PCDHGA9: variants seen among roughly 807,000 people sequenced by gnomAD.
PCDHGA9 encodes the protein protocadherin gamma-A9.
PCDHGA9 carries 37 observed loss-of-function variants against 62.5 expected under a neutral mutation model. The ratio of observed to expected loss-of-function variants is 0.59; its 90% CI spans 0.46 to 0.78. The LOEUF (loss-of-function observed/expected upper bound fraction) is 0.78. Ranked by LOEUF, PCDHGA9 falls within the 30% of genes least tolerant of loss-of-function variation. The probability of loss-of-function intolerance (pLI) is 0.00; values close to 1 mark genes in which losing one functional copy is unlikely to be tolerated. For missense variants in PCDHGA9, 1,138 were observed against 1,166.2 expected, an observed-to-expected ratio of 0.98 and a Z score of 0.35; for synonymous variants, 459 against 484.6, an observed-to-expected ratio of 0.95 and a Z score of 0.69.
At position 141,498,971 on chromosome 5, in the gene PCDHGA9, G is replaced by GGGAAGGAAGGAA. The variant is rs201769957; in HGVS notation, c.2483+4152_2483+4163dup. On this transcript the variant is annotated intron_variant, in intron 2 of 3. Coordinates refer to ENST00000573521, the MANE Select transcript of PCDHGA9 (RefSeq NM_018921.3). ...AAAAAGAGAGAGAGGGAGGGAGGGA[G>GGGAAGGAAGGAA]GGAAGGAAGGAAGGAAGGAAGGAAG... 6.8e-3 allele frequency among the ~76,000 whole-genome samples: 758 copies of GGGAAGGAAGGAA among 111,036 alleles called. 12 individuals are homozygous for GGGAAGGAAGGAA. Among genetic ancestry groups the GGGAAGGAAGGAA allele is most frequent in the African/African-American group, 0.021 (585 of 27,816 alleles). 72.8% of individuals were successfully genotyped at this position (111,036 alleles called of 152,430 possible). A position where few individuals can be genotyped will look rare whatever the true frequency, so the allele number is the denominator to read the frequency against.
At chr5:141,474,106 A>G (rs1334111464) in intron 1 of PCDHGA9, among the ~76,000 whole-genome samples, 1 of 152,108 alleles carries the variant, frequency 6.6e-6, no homozygotes, top group African/African-American at 2.4e-5. Flanking sequence ...CAACAAAAAC[A>G]ACAACAACGA....
rs1485715812 is a variant in PCDHGA9, at chr5:141,485,804, G to T, written c.2425-9003G>T. The T allele has an allele frequency of 6.2e-7, 1 of 1,614,218 alleles. No individual in the cohort carries two copies. The highest frequency in any genetic ancestry group is 1.7e-5 in the Admixed American group (1 of 60,026). ...AGAGAAGCAATCGGACTACCGCCTG[G>T]TGCTGACTGCTGTCGATGGAGGGAA... On this transcript the variant is annotated intron_variant, in intron 1 of 3. Coordinates refer to ENST00000573521, the MANE Select transcript of PCDHGA9 (RefSeq NM_018921.3). This position sits in a 1 kb window ranked among gnomAD's most constrained non-coding sequence, Gnocchi z 5.7.
chr5:141,458,514 T>G (rs1338106276), intron 1 of PCDHGA9, among the ~76,000 whole-genome samples: 1 of 129,036 alleles, frequency 7.7e-6, no homozygotes, highest in African/African-American at 3.6e-5. Context: ...TGACACTTTG[T>G]TTTTTTTTTT....
intron 1 of PCDHGA9, chr5:141,413,956 G>A (rs2095696052): frequency 2.5e-6 from 4 of 1,613,366 alleles, no homozygotes; most frequent in African/African-American, 2.7e-5. Flanking sequence ...GAATTTGCCT[G>A]TGGGCACTCA....
chr5:141,485,680 C>T lies in PCDHGA9; in HGVS notation c.2425-9127C>T. The T allele has an allele frequency of 6.2e-7, 1 of 1,613,966 alleles. No individual in the cohort carries two copies. Among genetic ancestry groups the T allele is most frequent in the South Asian group, 1.1e-5 (1 of 91,066 alleles). The stretch of plus-strand genomic sequence containing the variant: ...ATGTGGGGAGCAATTCGATTAGCAG[C>T]TATAGGCTGAGCTCCAATGAACACT... On this transcript the variant is annotated intron_variant, in intron 1 of 3. Coordinates refer to ENST00000573521, the MANE Select transcript of PCDHGA9 (RefSeq NM_018921.3). The surrounding 1 kb of genome is among the most constrained non-coding windows in gnomAD (Gnocchi z 5.7).
chr5:141,431,473 C>T lies in PCDHGA9; in HGVS notation c.2424+26097C>T, dbSNP rs750300971. ...TGATGGTTCTGGATGCGAACGACAA[C>T]GCACCAGCGTTTGCTCAGCCCGAGT... On this transcript the variant is annotated intron_variant, in intron 1 of 3. Coordinates refer to ENST00000573521, the MANE Select transcript of PCDHGA9 (RefSeq NM_018921.3). This position sits in a 1 kb window ranked among gnomAD's most constrained non-coding sequence, Gnocchi z 4.8. 4.3e-6 allele frequency: 7 copies of T among 1,613,832 alleles called. No individual in the cohort carries two copies. The Admixed American group carries it at 1.2e-4, about 27-fold the overall frequency.
intron 1 of PCDHGA9, chr5:141,423,466 G>C (rs770939556): frequency 1.2e-6 from 2 of 1,613,904 alleles, no homozygotes; most frequent in Admixed American, 3.3e-5. Context: ...CGTGGACGGG[G>C]TACAGGCTTT....
chr5:141,420,547 G>A (rs898726649), intron 1 of PCDHGA9: 1 of 278,678 alleles, frequency 3.6e-6, no homozygotes, highest in Non-Finnish European at 6.4e-6. Context: ...TAAAATACAG[G>A]TATATTTTTA....
chr5:141,446,289 G>T (rs1333286399), intron 1 of PCDHGA9, among the ~76,000 whole-genome samples: 1 of 152,112 alleles, frequency 6.6e-6, no homozygotes, highest in Non-Finnish European at 1.5e-5. Flanking sequence ...GATAAATGGG[G>T]AGCAGGGATT....
Position 141,490,013 on chromosome 5 carries a change from G to A in PCDHGA9, c.2425-4794G>A. 6.2e-7 allele frequency: 1 copy of A among 1,614,206 alleles called. No individual in the cohort carries two copies. The highest frequency in any genetic ancestry group is 1.1e-5 in the South Asian group (1 of 91,088). Reference sequence around the variant, plus strand: ...GGAATCCCAGAGAATGCACCCATTGGTACTCTGCTGCTCCGCCTCAATGCC... The same window carrying A: ...GGAATCCCAGAGAATGCACCCATTGATACTCTGCTGCTCCGCCTCAATGCC... On this transcript the variant is annotated intron_variant, in intron 1 of 3. Transcript: ENST00000573521. This position sits in a 1 kb window ranked among gnomAD's most constrained non-coding sequence, Gnocchi z 5.4.
Position 141,490,089 on chromosome 5 carries a change from C to G in PCDHGA9, c.2425-4718C>G. On this transcript the variant is annotated intron_variant, in intron 1 of 3. Transcript: ENST00000573521. This position sits in a 1 kb window ranked among gnomAD's most constrained non-coding sequence, Gnocchi z 5.4. ...GCCAACTAGACTATTCTTTTGGAGACCACACATCTGAGGCAGTGCGGAACC... is the reference window on the plus strand; with the variant it reads ...GCCAACTAGACTATTCTTTTGGAGAGCACACATCTGAGGCAGTGCGGAACC... 1 of 1,614,232 alleles carries G rather than the reference C, an allele frequency of 6.2e-7. No homozygotes were observed. The highest frequency in any genetic ancestry group is 8.5e-7 in the Non-Finnish European group (1 of 1,180,026).
intron 1 of PCDHGA9, chr5:141,421,938 T>C (rs777643980): frequency 2.9e-5 from 46 of 1,613,346 alleles, no homozygotes; most frequent in Non-Finnish European, 3.5e-5. Context: ...TCGATGTAAA[T>C]GATCACATCC....
intron 2 of PCDHGA9, among the ~76,000 whole-genome samples, chr5:141,499,133 T>C (rs1443866975): frequency 6.6e-6 from 1 of 152,184 alleles, no homozygotes; most frequent in East Asian, 1.9e-4. Context: ...GGTCATCCTT[T>C]GGGTGTCTGA....
At chr5:141,446,894 A>C (rs1413761456) in intron 1 of PCDHGA9, among the ~76,000 whole-genome samples, 3 of 152,118 alleles carry the variant, frequency 2.0e-5, no homozygotes, top group Non-Finnish European at 2.9e-5. Flanking sequence ...TTCATGGCTG[A>C]GCTACTTTTG....
chr5:141,441,797 G>A, intron 1 of PCDHGA9: 2 of 386,536 alleles, frequency 5.2e-6, no homozygotes, highest in Non-Finnish European at 1.0e-5. Context: ...ACAACGCACC[G>A]CGGGTGCTGT....
chr5:141,498,390 T>C (rs2099783500), intron 2 of PCDHGA9, among the ~76,000 whole-genome samples: 1 of 151,982 alleles, frequency 6.6e-6, no homozygotes, highest in Non-Finnish European at 1.5e-5. Context: ...ATCAAGGGAA[T>C]GGCAGGGAGT....
Position 141,485,152 on chromosome 5 carries a change from A to C in PCDHGA9, c.2425-9655A>C. ...CTTCATCCGCGTCTCAGGAGCAAGT[A>C]GAGAATTAGCGGGCGGCAGCAATGC... On this transcript the variant is annotated intron_variant, in intron 1 of 3. Coordinates refer to ENST00000573521, the MANE Select transcript of PCDHGA9 (RefSeq NM_018921.3). The surrounding 1 kb of genome is among the most constrained non-coding windows in gnomAD (Gnocchi z 5.7). 8.8e-6 allele frequency: 14 copies of C among 1,586,038 alleles called. No individual in the cohort carries two copies. The highest frequency in any genetic ancestry group is 1.0e-5 in the Non-Finnish European group (12 of 1,157,128).
intron 1 of PCDHGA9, chr5:141,409,049 AG>A: frequency 6.2e-7 from 1 of 1,614,028 alleles, no homozygotes; most frequent in African/African-American, 1.3e-5. Context: ...CTACTTCCGA[AG>A]CACTGCCCAG....
chr5:141,415,740 G>GTTTTTTTTTTTTTTTTTTTTT (rs57426385), intron 1 of PCDHGA9: 5 of 625,024 alleles, frequency 8.0e-6, no homozygotes, highest in Non-Finnish European at 8.5e-6. Flanking sequence ...GTTTATTAAG[G>GTTTTTTTTTTTTTTTTTTTTT]TTTTTTTTTT....
Sources: gnomAD v4.1 joint callset for allele counts (sites outside exome capture counted in the v4.1 genomes callset) on GRCh38, gnomAD v4.1.1 for gene constraint, Gnocchi (gnomAD v3.1) non-coding constraint, MANE v1.5 for transcripts, NCBI Gene and HGNC (gene_info 2026-07-23, HGNC 2026-07-21) for gene names.